Variants in PUS10 observed in about 807,000 individuals in gnomAD.
PUS10 encodes the protein pseudouridine synthase 10.
In PUS10, 59 loss-of-function variants were observed where a neutral mutation model predicts 75.0. The observed-to-expected ratio is 0.79, with a 90% CI of 0.64 to 0.98. The LOEUF (loss-of-function observed/expected upper bound fraction) is 0.98. Ranked by LOEUF, PUS10 falls within the 50% of genes least tolerant of loss-of-function variation. The pLI is 0.00. For missense variants in PUS10, 650 were observed against 614.4 expected (o/e 1.06, Z -0.61); for synonymous variants, 219 against 211.6 (o/e 1.03, Z -0.30).
chr2:60,999,731 A>C (rs1235886791), intron 4 of PUS10, among the ~76,000 whole-genome samples: 1 of 152,152 alleles, frequency 6.6e-6, no homozygotes, highest in Non-Finnish European at 1.5e-5. Flanking sequence ...CTTTCTTTCT[A>C]TGTATCTTGG....
chr2:61,011,695 C>T, intron 2 of PUS10, 70 bp downstream of exon 2: 6 of 1,173,522 alleles, frequency 5.1e-6, no homozygotes, highest in South Asian at 1.8e-5. Flanking sequence ...CTCAAAAGTA[C>T]AAGCATTCAT....
chr2:60,963,899 T>C (rs1214070828), intron 8 of PUS10, among the ~76,000 whole-genome samples: 9 of 152,264 alleles, frequency 5.9e-5, no homozygotes, highest in Non-Finnish European at 7.3e-5. Context: ...TGATGCCTAT[T>C]ATTATATTTC....
intron 7 of PUS10, 110 bp from the exon 8 acceptor site, chr2:60,965,213 A>G: frequency 1.8e-6 from 2 of 1,088,690 alleles, no homozygotes; most frequent in Non-Finnish European, 2.8e-6. Flanking sequence ...CATCAGGAGC[A>G]GACAAAATGA....
At chr2:61,009,379 C>T (rs1325344037) in intron 2 of PUS10, among the ~76,000 whole-genome samples, 1 of 152,152 alleles carries the variant, frequency 6.6e-6, no homozygotes, top group South Asian at 2.1e-4. Flanking sequence ...TAATGATTAA[C>T]ATATAAAAAG....
chr2:60,942,454 C>A, intron 17 of PUS10, 21 bp from the exon 18 acceptor site: 1 of 1,595,758 alleles, frequency 6.3e-7, no homozygotes. Context: ...GAAAAGAAGT[C>A]ATTAAAACAG....
chr2:60,961,700 A>G lies in PUS10; in HGVS notation c.789-152T>C, dbSNP rs543433699. ...CAATACAGGTCTTGCAGGCCTGTGG[A>G]GTAACAATTTTAACATATGAGAGTG... On this transcript the variant is annotated intron_variant, in intron 9 of 17. Coordinates refer to ENST00000316752, the MANE Select transcript of PUS10 (RefSeq NM_144709.4). The G allele has an allele frequency of 1.2e-5, 8 of 672,290 alleles. No homozygotes were observed. In the Admixed American group the frequency reaches 2.1e-4, roughly 18 times the overall value. 41.6% of individuals were successfully genotyped at this position (672,290 alleles called of 1,614,324 possible). A position where few individuals can be genotyped will look rare whatever the true frequency, so the allele number is the denominator to read the frequency against.
chr2:61,011,753 A>C lies in PUS10; in HGVS notation c.126+12T>G. On this transcript the variant is annotated intron_variant, in intron 2 of 17. Coordinates refer to ENST00000316752, the MANE Select transcript of PUS10 (RefSeq NM_144709.4). ...CTTAATTTGAAAAAAAAAAAAAAAGAAAAGAAAATACCTTGTATGGAAGTT... is the reference window on the plus strand; with the variant it reads ...CTTAATTTGAAAAAAAAAAAAAAAGCAAAGAAAATACCTTGTATGGAAGTT... The C allele has an allele frequency of 1.3e-6, 2 of 1,508,562 alleles. No individual in the cohort carries two copies. Among genetic ancestry groups the C allele is most frequent in the Non-Finnish European group, 1.8e-6 (2 of 1,133,968 alleles). 93.4% of individuals were successfully genotyped at this position (1,508,562 alleles called of 1,614,324 possible).
chr2:61,012,834 C>CAAAAAAA (rs70959885), intron 1 of PUS10, among the ~76,000 whole-genome samples: 7 of 30,168 alleles, frequency 2.3e-4, no homozygotes, highest in East Asian at 1.2e-3. Context: ...AACTCCGTCT[C>CAAAAAAA]AAAAAAAAAA....
At chr2:60,951,136 A>G (rs566109570) in intron 15 of PUS10, among the ~76,000 whole-genome samples, 1 of 152,312 alleles carries the variant, frequency 6.6e-6, no homozygotes, top group African/African-American at 2.4e-5. Context: ...ATTTTTCATG[A>G]TAAGTATAAA....
intron 10 of PUS10, 51 bp downstream of exon 10, chr2:60,961,412 G>C (rs1479012887): frequency 1.5e-6 from 2 of 1,360,142 alleles, no homozygotes; most frequent in African/African-American, 1.4e-5. Flanking sequence ...TGAGTTTTTA[G>C]AAAGGAGAGT....
chr2:61,006,601 A>T lies in PUS10; in HGVS notation c.424T>A (p.Leu142Met). ...VEASGFEFTSLVFSVSFPPQL... is the reference protein window; with the variant it reads ...VEASGFEFTSMVFSVSFPPQL... ...GGTGGGAAGGAGACTGAAAATACCAAGCTGGTGAATTCAAACCCAGAGGCC... is the reference window on the plus strand; with the variant it reads ...GGTGGGAAGGAGACTGAAAATACCATGCTGGTGAATTCAAACCCAGAGGCC... Residue 142 changes from leucine to methionine, a missense_variant, in exon 4 of 18, where the codon TTG becomes ATG. Physicochemically the swap from Leu to Met is conservative, Grantham distance 15. Transcript: ENST00000316752. 1 of 1,613,764 alleles carries T rather than the reference A, an allele frequency of 6.2e-7. No homozygotes were observed. Among genetic ancestry groups the T allele is most frequent in the Middle Eastern group, 1.7e-4 (1 of 6,060 alleles).
intron 17 of PUS10, among the ~76,000 whole-genome samples, chr2:60,943,036 GAAAAAA>G (rs1163561504): frequency 5.4e-4 from 42 of 78,432 alleles, no homozygotes; most frequent in African/African-American, 2.0e-3. Context: ...ATCTATCTCA[GAAAAAA>G]AAAAAAAAAA....
In PUS10 at chr2:60,944,204, G is replaced by A. The variant is rs1674800927; in HGVS notation, c.1551+805C>T. The A allele has an allele frequency of 1.9e-5, 19 of 984,240 alleles. No individual in the cohort carries two copies. In the South Asian group the frequency reaches 7.5e-4, roughly 39 times the overall value. The allele number at this position is 984,240 out of a possible 1,614,324, so 61.0% of individuals were successfully genotyped here. A position where few individuals can be genotyped will look rare whatever the true frequency, so the allele number is the denominator to read the frequency against. On this transcript the variant is annotated intron_variant, in intron 17 of 17. Coordinates refer to ENST00000316752, the MANE Select transcript of PUS10 (RefSeq NM_144709.4). ...TCCTCCAAATGATAGTTTCACTGAA[G>A]AGGCTCCCTGCAACCTTGAGGGCAC...
intron 1 of PUS10, among the ~76,000 whole-genome samples, chr2:61,012,196 T>C (rs1158163761): frequency 6.6e-6 from 1 of 152,192 alleles, no homozygotes; most frequent in African/African-American, 2.4e-5. Context: ...TAATCAAGAA[T>C]GGTTGCTTCT....
intron 6 of PUS10, 62 bp from the exon 7 acceptor site, chr2:60,965,546 A>G: frequency 8.7e-7 from 1 of 1,151,304 alleles, no homozygotes; most frequent in East Asian, 2.4e-5. Flanking sequence ...ACAACTTATT[A>G]ATGGAAATAG....
chr2:60,943,471 TA>T (rs56288950), intron 17 of PUS10, among the ~76,000 whole-genome samples: 79,943 of 143,668 alleles, frequency 0.56, 23,239 homozygotes, highest in Middle Eastern at 0.77. Flanking sequence ...AAGAGAAAGT[TA>T]AAAAAAAAAA....
At chr2:61,017,978 T>C in intron 1 of PUS10, 30 bp downstream of exon 1, 1 of 1,317,628 alleles carries the variant, frequency 7.6e-7, no homozygotes, top group East Asian at 2.5e-5. Flanking sequence ...ACCTTGGGGA[T>C]AGGGGCCGAG....
At chr2:61,000,714 C>G (rs1678795857) in intron 4 of PUS10, among the ~76,000 whole-genome samples, 1 of 152,182 alleles carries the variant, frequency 6.6e-6, no homozygotes, top group South Asian at 2.1e-4. Flanking sequence ...CTGCCTTTAT[C>G]TGTCTCCAGT....
Position 60,960,471 on chromosome 2 carries a change from T to C in PUS10, c.921A>G (p.Ile307Met). The change falls in exon 11 of 18, where the codon ATA becomes ATG. Residue 307 changes from isoleucine to methionine, a missense_variant. Transcript: ENST00000316752. ...ATTCCAGCTTCCTTTCTCCATCAATTATCCAAGGAGTTTGTGGTAGATTCC... is the reference window on the plus strand; with the variant it reads ...ATTCCAGCTTCCTTTCTCCATCAATCATCCAAGGAGTTTGTGGTAGATTCC... The part of the protein sequence containing the change: ...YSRNLPQTPW[I>M]IDGERKLESS... 6.4e-7 allele frequency: 1 copy of C among 1,573,804 alleles called. No individual in the cohort carries two copies. The highest frequency in any genetic ancestry group is 8.6e-7 in the Non-Finnish European group (1 of 1,165,164).
Sources: allele counts gnomAD v4.1 joint callset (sites outside exome capture counted in the v4.1 genomes callset), GRCh38; gene constraint gnomAD v4.1.1; transcripts MANE v1.5; gene names NCBI Gene and HGNC (gene_info 2026-07-23, HGNC 2026-07-21).